SLC25A37: variants seen among roughly 807,000 people sequenced by gnomAD.
SLC25A37 encodes mitoferrin-1.
In SLC25A37, 17 loss-of-function variants were observed where a neutral mutation model predicts 31.0. The ratio of observed to expected loss-of-function variants is 0.55; its 90% CI spans 0.38 to 0.82. SLC25A37 has a LOEUF of 0.82. SLC25A37 is among the 40% of genes least tolerant of loss of function. The probability of loss-of-function intolerance (pLI) is 0.00; values close to 1 mark genes in which losing one functional copy is unlikely to be tolerated. For missense variants in SLC25A37, 404 were observed against 465.8 expected (o/e 0.87, Z 1.22); for synonymous variants, 222 against 193.0 (o/e 1.15, Z -1.24).
At chr8:23,568,133 C>G (rs1802716857) in intron 2 of SLC25A37, 189 bp from the exon 3 acceptor site, 1 of 688,906 alleles carries the variant, frequency 1.5e-6, no homozygotes, top group Non-Finnish European at 2.7e-6. Flanking sequence ...CCTAAATTAA[C>G]CATCCCCATT....
intron 1 of SLC25A37, among the ~76,000 whole-genome samples, chr8:23,540,681 C>T (rs758560025): frequency 2.0e-5 from 3 of 152,134 alleles, no homozygotes; most frequent in Non-Finnish European, 2.9e-5. Context: ...TCGGACTAGT[C>T]GTGAAGATTC....
At chr8:23,557,057 G>T (rs147339095) in intron 1 of SLC25A37, among the ~76,000 whole-genome samples, 2,344 of 152,104 alleles carry the variant, frequency 0.015, 68 homozygotes, top group African/African-American at 0.054. Context: ...TGCCATGTTG[G>T]CCAGGCTGGT....
intron 1 of SLC25A37, among the ~76,000 whole-genome samples, chr8:23,559,616 C>G (rs1802461347): frequency 6.6e-6 from 1 of 152,166 alleles, no homozygotes. Flanking sequence ...TTGCAAAACT[C>G]AAACTCCTGT....
chr8:23,532,223 G>A (rs1476988804), intron 1 of SLC25A37, among the ~76,000 whole-genome samples: 1 of 152,194 alleles, frequency 6.6e-6, no homozygotes, highest in Non-Finnish European at 1.5e-5. Flanking sequence ...TGGGATGTGA[G>A]CACTCATTCA....
chr8:23,562,568 A>C (rs1219910732), intron 1 of SLC25A37, among the ~76,000 whole-genome samples: 1 of 152,070 alleles, frequency 6.6e-6, no homozygotes, highest in Non-Finnish European at 1.5e-5. Flanking sequence ...AGACAAACAC[A>C]ACCCCACCTC....
rs1802722859 is a variant in SLC25A37 at position 23,568,325 on chromosome 8, T to C, written c.443T>C (p.Ile148Thr). 1 of 1,613,746 alleles carries C rather than the reference T, an allele frequency of 6.2e-7. No individual in the cohort carries two copies. Among genetic ancestry groups the C allele is most frequent in the African/African-American group, 1.3e-5 (1 of 74,884 alleles). ...HQGNSHLANG[I>T]AGSMATLLHD... ...TTTTCTGGAGTTTGTTTTGCAGGGA[T>C]AGCTGGGAGTATGGCCACCCTGCTC... The change falls in exon 3 of 4, where the codon ATA (isoleucine) becomes ACA (threonine). Residue 148 changes from isoleucine to threonine, a missense_variant. This residue lies in a region of SLC25A37 where 243 missense variants were observed against 284.4 expected (regional missense o/e 0.85). Transcript: ENST00000519973.
rs544026788 is a variant in SLC25A37 at position 23,558,823 on chromosome 8, G to A, written c.211-7285G>A. ...ACACGTTTCTCCATCCTGCAGGCAG[G>A]TGCAGAGGAGGAATGCTTATTCATA... On this transcript the variant is annotated intron_variant, in intron 1 of 3. Coordinates refer to ENST00000519973, the MANE Select transcript of SLC25A37 (RefSeq NM_016612.4). 9.2e-5 allele frequency among the ~76,000 whole-genome samples: 14 copies of A among 152,236 alleles called. 1 individual carries two copies. In the South Asian group the frequency reaches 2.9e-3, roughly 32 times the overall value.
chr8:23,566,569 A>G, intron 2 of SLC25A37: 1 of 1,292,800 alleles, frequency 7.7e-7, no homozygotes. Context: ...GGGAGAAATC[A>G]GTGACAGAGG....
Position 23,573,233 on chromosome 8 carries a change from C to T in SLC25A37, c.*1378C>T, listed in dbSNP as rs1414714877. 2.0e-5 allele frequency: 3 copies of T among 152,720 alleles called. No homozygotes were observed. The highest frequency in any genetic ancestry group is 1.3e-4 in the Admixed American group (2 of 15,332). 9.5% of individuals were successfully genotyped at this position (152,720 alleles called of 1,614,324 possible). A position where few individuals can be genotyped will look rare whatever the true frequency, so the allele number is the denominator to read the frequency against. ...CCCTCTCCAGAAGCCATTCTGCATCCTTGTCTGCTCTGCGTCACCCGAGAA... is the reference window on the plus strand; with the variant it reads ...CCCTCTCCAGAAGCCATTCTGCATCTTTGTCTGCTCTGCGTCACCCGAGAA... On this transcript the variant is annotated 3_prime_UTR_variant, in exon 4 of 4. Coordinates refer to ENST00000519973, the MANE Select transcript of SLC25A37 (RefSeq NM_016612.4).
At position 23,529,297 on chromosome 8, in the gene SLC25A37, G is replaced by A. The variant is rs962660837; in HGVS notation, c.210+85G>A. 1 of 1,370,240 alleles carries A rather than the reference G, an allele frequency of 7.3e-7. No homozygotes were observed. The allele number at this position is 1,370,240 out of a possible 1,614,324, so 84.9% of individuals were successfully genotyped here. Reference sequence around the variant, plus strand: ...TGCATCCCGCGCGCCGGCAGCCTCGGGGCAGCGTCCCGAAACCGAGCTCTC... The same window carrying A: ...TGCATCCCGCGCGCCGGCAGCCTCGAGGCAGCGTCCCGAAACCGAGCTCTC... On this transcript the variant is annotated intron_variant, in intron 1 of 3. Coordinates refer to ENST00000519973, the MANE Select transcript of SLC25A37 (RefSeq NM_016612.4). This position sits in a 1 kb window ranked among gnomAD's most constrained non-coding sequence, Gnocchi z 4.1.
At chr8:23,557,991 G>A (rs748627133) in intron 1 of SLC25A37, among the ~76,000 whole-genome samples, 1 of 152,162 alleles carries the variant, frequency 6.6e-6, no homozygotes, top group Non-Finnish European at 1.5e-5. Context: ...CTGGAGTTGT[G>A]CTGCTCATGG....
In SLC25A37 at chr8:23,566,616, A is replaced by G. The variant is rs1263855709; in HGVS notation, c.439+280A>G. 2.1e-5 allele frequency: 23 copies of G among 1,108,840 alleles called. No individual in the cohort carries two copies. In the South Asian group the frequency reaches 5.4e-4, roughly 26 times the overall value. The allele number at this position is 1,108,840 out of a possible 1,614,324, so 68.7% of individuals were successfully genotyped here. A position where few individuals can be genotyped will look rare whatever the true frequency, so the allele number is the denominator to read the frequency against. The stretch of plus-strand genomic sequence containing the variant: ...TATTGTTATGTGGGTTTTCTTTTGT[A>G]TTTTTTTTTGTTTGTTTTGTTTTTA... On this transcript the variant is annotated intron_variant, in intron 2 of 3. Transcript: ENST00000519973.
At position 23,571,868 on chromosome 8, in the gene SLC25A37, T is replaced by C. The variant is rs1303174741; in HGVS notation, c.*13T>C. On this transcript the variant is annotated 3_prime_UTR_variant, in exon 4 of 4. Transcript: ENST00000519973. ...AGCTCCATACTAAAGGAAGGGATCA[T>C]AGAATCTTTTCTTAAAGTCATTCTC... 1.2e-6 allele frequency: 2 copies of C among 1,603,090 alleles called. No individual in the cohort carries two copies. The highest frequency in any genetic ancestry group is 1.7e-4 in the Middle Eastern group (1 of 6,020).
chr8:23,532,175 C>T (rs959492443), intron 1 of SLC25A37, among the ~76,000 whole-genome samples: 1 of 152,338 alleles, frequency 6.6e-6, no homozygotes. Context: ...TTTCCTGCTG[C>T]TTCCTGTGTC....
chr8:23,571,881 TA>T lies in SLC25A37; in HGVS notation c.*29del, dbSNP rs761406760. 1.3e-6 allele frequency: 2 copies of T among 1,599,504 alleles called. No individual in the cohort carries two copies. Among genetic ancestry groups the T allele is most frequent in the African/African-American group, 1.3e-5 (1 of 74,546 alleles). On this transcript the variant is annotated 3_prime_UTR_variant, in exon 4 of 4. Coordinates refer to ENST00000519973, the MANE Select transcript of SLC25A37 (RefSeq NM_016612.4). The stretch of plus-strand genomic sequence containing the variant: ...AGGAAGGGATCATAGAATCTTTTCT[TA>T]AAGTCATTCTCTGCCTGCATCCAGC...
At position 23,571,598 on chromosome 8, in the gene SLC25A37, C is replaced by A. The variant is rs1304484393; in HGVS notation, c.760C>A (p.Pro254Thr). The change falls in exon 4 of 4, where the codon CCC becomes ACC. Residue 254 changes from proline (P) to threonine (T), a missense_variant. Transcript: ENST00000519973. ...AGALAAAATT[P>T]LDVCKTLLNT... The stretch of plus-strand genomic sequence containing the variant: ...GGCCCTCGCCGCGGCCGCCACGACC[C>A]CCCTGGACGTCTGTAAGACCCTTCT... 6.2e-7 allele frequency: 1 copy of A among 1,613,802 alleles called. No individual in the cohort carries two copies. The highest frequency in any genetic ancestry group is 8.5e-7 in the Non-Finnish European group (1 of 1,179,878).
chr8:23,570,511 G>C (rs1802796015), intron 3 of SLC25A37, among the ~76,000 whole-genome samples: 1 of 152,026 alleles, frequency 6.6e-6, no homozygotes, highest in Non-Finnish European at 1.5e-5. Context: ...ATATATCTTG[G>C]GCTTCTTTTT....
intron 1 of SLC25A37, among the ~76,000 whole-genome samples, chr8:23,550,438 C>T (rs1241978167): frequency 2.0e-5 from 3 of 152,176 alleles, no homozygotes; most frequent in South Asian, 2.1e-4. Flanking sequence ...AGGCTGGCGA[C>T]GGGACTGCTT....
rs1166157105 is a variant in SLC25A37, at chr8:23,574,736, T to G, written c.*2881T>G. 1 of 155,356 alleles carries G rather than the reference T, an allele frequency of 6.4e-6. No individual in the cohort carries two copies. The highest frequency in any genetic ancestry group is 1.5e-5 in the Non-Finnish European group (1 of 68,342). 9.6% of individuals were successfully genotyped at this position (155,356 alleles called of 1,614,324 possible). A position where few individuals can be genotyped will look rare whatever the true frequency, so the allele number is the denominator to read the frequency against. On this transcript the variant is annotated 3_prime_UTR_variant, in exon 4 of 4. Coordinates refer to ENST00000519973, the MANE Select transcript of SLC25A37 (RefSeq NM_016612.4). ...TGCAGTCCGGTTTCTTATTGTGACT[T>G]TGACAATGCAAAGTGCAAAATAGGA...
Sources: gnomAD v4.1 joint callset for allele counts (sites outside exome capture counted in the v4.1 genomes callset) on GRCh38, gnomAD v4.1.1 for gene constraint, gnomAD v4.1.1 regional missense constraint, Gnocchi (gnomAD v3.1) non-coding constraint, MANE v1.5 for transcripts, NCBI Gene and HGNC (gene_info 2026-07-23, HGNC 2026-07-21) for gene names.